Variants in MFSD6 observed in about 807,000 individuals in gnomAD.
MFSD6 encodes major facilitator superfamily domain containing 6.
A neutral mutation model predicts 56.3 loss-of-function variants in MFSD6; 26 were observed. That is an observed-to-expected ratio of 0.46 (90% CI 0.34 to 0.64). The LOEUF (loss-of-function observed/expected upper bound fraction) is 0.64, where lower values mean the gene tolerates loss of function less well. Ranked by LOEUF, MFSD6 falls within the 30% of genes least tolerant of loss-of-function variation. The pLI is 0.01. For missense variants in MFSD6, 750 were observed against 986.2 expected (o/e 0.76, Z 3.21); for synonymous variants, 331 against 366.9 (o/e 0.90, Z 1.12).
At chr2:190,477,629 C>G (rs1559134616) in intron 4 of MFSD6, among the ~76,000 whole-genome samples, 1 of 152,090 alleles carries the variant, frequency 6.6e-6, no homozygotes, top group Non-Finnish European at 1.5e-5. Context: ...TGACTAAGAG[C>G]CAGGCAGCAT....
rs931463138 is a variant in MFSD6 at position 190,431,640 on chromosome 2, G to C, written c.-53-4337G>C. Among the ~76,000 whole-genome samples, 6 of 152,238 alleles carry C rather than the reference G, an allele frequency of 3.9e-5. No homozygotes were observed. The highest frequency in any genetic ancestry group is 8.8e-5 in the Non-Finnish European group (6 of 68,038). Reference sequence around the variant, plus strand: ...GAATCAGGCAGGGAGGTTGCAGTGAGCCGAGATGGCAGCAGTACAGTCCAG... The same window carrying C: ...GAATCAGGCAGGGAGGTTGCAGTGACCCGAGATGGCAGCAGTACAGTCCAG... On this transcript the variant is annotated intron_variant, in intron 2 of 7. Coordinates refer to ENST00000392328, the MANE Select transcript of MFSD6 (RefSeq NM_017694.4). This position sits in a 1 kb window ranked among gnomAD's most constrained non-coding sequence, Gnocchi z 4.4.
Position 190,412,201 on chromosome 2 carries a change from A to C in MFSD6, c.-175-3091A>C, listed in dbSNP as rs542879328. 83 of 985,172 alleles carry C rather than the reference A, an allele frequency of 8.4e-5. No homozygotes were observed. In the African/African-American group the frequency reaches 1.4e-3, roughly 17 times the overall value. 61.0% of individuals were successfully genotyped at this position (985,172 alleles called of 1,614,324 possible). ...AATTAATACATTTCCAGACTTAGAA[A>C]TCCAGAGCCATAATACATTCAGACT... On this transcript the variant is annotated intron_variant, in intron 1 of 7. Coordinates refer to ENST00000392328, the MANE Select transcript of MFSD6 (RefSeq NM_017694.4). The surrounding 1 kb of genome is among the most constrained non-coding windows in gnomAD (Gnocchi z 4.1).
In MFSD6 at chr2:190,442,275, A is replaced by G. The variant is rs1686408771; in HGVS notation, c.1532+4714A>G. On this transcript the variant is annotated intron_variant, in intron 3 of 7. Transcript: ENST00000392328. Reference sequence around the variant, plus strand: ...CCTAGACATTTGTTCAATTTAGTTGAACAGTTATTTAGGCCCAAAGAGCCT... The same window carrying G: ...CCTAGACATTTGTTCAATTTAGTTGGACAGTTATTTAGGCCCAAAGAGCCT... Among the ~76,000 whole-genome samples the G allele has an allele frequency of 2.0e-5, 3 of 152,126 alleles. No individual in the cohort carries two copies. In the South Asian group the frequency reaches 6.2e-4, roughly 32 times the overall value.
In MFSD6 at chr2:190,487,593, A is replaced by G. The variant is rs1386932122; in HGVS notation, c.1631-1064A>G. Among the ~76,000 whole-genome samples, 1 of 152,226 alleles carries G rather than the reference A, an allele frequency of 6.6e-6. No homozygotes were observed. Among genetic ancestry groups the G allele is most frequent in the African/African-American group, 2.4e-5 (1 of 41,462 alleles). ...AACCCAATTAAAAAATGGGCAAAGGAATTGAATAAACATTTCTTCAAAGAA... is the reference window on the plus strand; with the variant it reads ...AACCCAATTAAAAAATGGGCAAAGGGATTGAATAAACATTTCTTCAAAGAA... On this transcript the variant is annotated intron_variant, in intron 4 of 7. Coordinates refer to ENST00000392328, the MANE Select transcript of MFSD6 (RefSeq NM_017694.4). The surrounding 1 kb of genome is among the most constrained non-coding windows in gnomAD (Gnocchi z 5.5).
In MFSD6 at chr2:190,443,366, G is replaced by A. The variant is rs1686454155; in HGVS notation, c.1532+5805G>A. Among the ~76,000 whole-genome samples, 1 of 152,122 alleles carries A rather than the reference G, an allele frequency of 6.6e-6. No individual in the cohort carries two copies. Among genetic ancestry groups the A allele is most frequent in the Non-Finnish European group, 1.5e-5 (1 of 68,030 alleles). On this transcript the variant is annotated intron_variant, in intron 3 of 7. Coordinates refer to ENST00000392328, the MANE Select transcript of MFSD6 (RefSeq NM_017694.4). The surrounding 1 kb of genome is among the most constrained non-coding windows in gnomAD (Gnocchi z 4.2). Reference sequence around the variant, plus strand: ...ATATTATTAGTACCTGCTTCTTAGGGTTTTTTATGAAGACTAGATGAGATA... The same window carrying A: ...ATATTATTAGTACCTGCTTCTTAGGATTTTTTATGAAGACTAGATGAGATA...
In MFSD6 at chr2:190,499,982, G is replaced by A. The variant is rs72907168; in HGVS notation, c.2173-33G>A. 0.29 allele frequency: 472,810 copies of A among 1,610,300 alleles called. 74,273 individuals are homozygous for A. Among genetic ancestry groups the A allele is most frequent in the South Asian group, 0.34 (31,149 of 90,904 alleles). ...AAAGTTGGATTTATTTGCTATCACT[G>A]ATCATGGGGCATCTCCTGTTTTTTA... On this transcript the variant is annotated intron_variant, in intron 7 of 7. Transcript: ENST00000392328. This position sits in a 1 kb window ranked among gnomAD's most constrained non-coding sequence, Gnocchi z 6.0.
In MFSD6 at chr2:190,499,808, G is replaced by T. The variant is rs1280881913; in HGVS notation, c.2173-207G>T. 2 of 1,527,958 alleles carry T rather than the reference G, an allele frequency of 1.3e-6. No homozygotes were observed. The highest frequency in any genetic ancestry group is 1.8e-6 in the Non-Finnish European group (2 of 1,132,730). 94.7% of individuals were successfully genotyped at this position (1,527,958 alleles called of 1,614,324 possible). A position where few individuals can be genotyped will look rare whatever the true frequency, so the allele number is the denominator to read the frequency against. ...CAAGACACGTCTGCTTATAGTGTTT[G>T]TGTTTTTCATGCGGCTCTGGCAGTT... On this transcript the variant is annotated intron_variant, in intron 7 of 7. Transcript: ENST00000392328. The surrounding 1 kb of genome is among the most constrained non-coding windows in gnomAD (Gnocchi z 6.0).
intron 2 of MFSD6, 42 bp from the exon 3 acceptor site, chr2:190,435,935 T>C (rs1011207572): frequency 6.9e-7 from 1 of 1,451,536 alleles, no homozygotes. Flanking sequence ...TTACATGTTA[T>C]GATTTTCATT....
rs1299666120 is a variant in MFSD6, at chr2:190,457,168, A to G, written c.1533-12590A>G. Among the ~76,000 whole-genome samples, 2 of 152,110 alleles carry G rather than the reference A, an allele frequency of 1.3e-5. No homozygotes were observed. Among genetic ancestry groups the G allele is most frequent in the African/African-American group, 4.8e-5 (2 of 41,432 alleles). On this transcript the variant is annotated intron_variant, in intron 3 of 7. Transcript: ENST00000392328. The surrounding 1 kb of genome is among the most constrained non-coding windows in gnomAD (Gnocchi z 5.1). ...GAGCTTGGAGTGTGGAAAATAGCACATTGCTATTACCTACTGAAAGAGCAT... is the reference window on the plus strand; with the variant it reads ...GAGCTTGGAGTGTGGAAAATAGCACGTTGCTATTACCTACTGAAAGAGCAT...
rs978794854 is a variant in MFSD6 at position 190,447,814 on chromosome 2, G to A, written c.1532+10253G>A. On this transcript the variant is annotated intron_variant, in intron 3 of 7. Transcript: ENST00000392328. The surrounding 1 kb of genome is among the most constrained non-coding windows in gnomAD (Gnocchi z 4.5). ...GAGTCTCAAAAATTGAAGAATTTATGATCAGGAATTGAAAGATAATCATTT... is the reference window on the plus strand; with the variant it reads ...GAGTCTCAAAAATTGAAGAATTTATAATCAGGAATTGAAAGATAATCATTT... Among the ~76,000 whole-genome samples, 6 of 152,128 alleles carry A rather than the reference G, an allele frequency of 3.9e-5. No homozygotes were observed. Among genetic ancestry groups the A allele is most frequent in the Non-Finnish European group, 7.4e-5 (5 of 68,026 alleles).
rs1575832046 is a variant in MFSD6, at chr2:190,431,085, G to C, written c.-53-4892G>C. ...CCAGACGGGGTCGCAGCCGGGCAGA[G>C]GCGCTCCTCACATCCCAGACAGGGC... On this transcript the variant is annotated intron_variant, in intron 2 of 7. Coordinates refer to ENST00000392328, the MANE Select transcript of MFSD6 (RefSeq NM_017694.4). The surrounding 1 kb of genome is among the most constrained non-coding windows in gnomAD (Gnocchi z 4.4). Among the ~76,000 whole-genome samples, 1 of 150,064 alleles carries C rather than the reference G, an allele frequency of 6.7e-6. No homozygotes were observed. The highest frequency in any genetic ancestry group is 6.6e-5 in the Admixed American group (1 of 15,092).
rs1686222517 is a variant in MFSD6, at chr2:190,437,594, C to T, written c.1532+33C>T. The stretch of plus-strand genomic sequence containing the variant: ...CATGCTTACGATTGCTGCCCCTCAG[C>T]AATTGAACTTTATCTTTTTATGGTT... On this transcript the variant is annotated intron_variant, in intron 3 of 7. Transcript: ENST00000392328. The surrounding 1 kb of genome is among the most constrained non-coding windows in gnomAD (Gnocchi z 5.9). The T allele has an allele frequency of 1.3e-6, 2 of 1,583,924 alleles. No homozygotes were observed. Among genetic ancestry groups the T allele is most frequent in the Admixed American group, 1.8e-5 (1 of 55,818 alleles).
intron 2 of MFSD6, among the ~76,000 whole-genome samples, chr2:190,421,789 G>A (rs1685626650): frequency 6.6e-6 from 1 of 151,992 alleles, no homozygotes; most frequent in African/African-American, 2.4e-5. Context: ...GACTTTAATT[G>A]ATCCTCTTGC....
intron 3 of MFSD6, among the ~76,000 whole-genome samples, chr2:190,445,171 A>C (rs1249968739): frequency 6.6e-6 from 1 of 152,118 alleles, no homozygotes; most frequent in Non-Finnish European, 1.5e-5. Flanking sequence ...TCATCTGTAA[A>C]TCTGGGGATA....
At chr2:190,452,029 C>A (rs746604558) in intron 3 of MFSD6, among the ~76,000 whole-genome samples, 4 of 151,360 alleles carry the variant, frequency 2.6e-5, no homozygotes, top group Non-Finnish European at 5.9e-5. Context: ...GATTCATGTA[C>A]TATCTTTGCT....
Position 190,436,751 on chromosome 2 carries a change from C to T in MFSD6, c.722C>T (p.Thr241Ile), listed in dbSNP as rs772762749. Residue 241 changes from threonine to isoleucine, a missense_variant, in exon 3 of 8, where the codon ACT becomes ATT. By Grantham distance (89) the Thr-to-Ile change is moderately conservative. Transcript: ENST00000392328. The surrounding 1 kb of genome is among the most constrained non-coding windows in gnomAD (Gnocchi z 5.3). ...GEITNRMMDL[T>I]LNSSTATPVS... is the part of the protein sequence containing the mutation. ...ATTACTAACCGTATGATGGACTTGA[C>T]TTTGAACTCAAGCACAGCAACCCCT... The T allele has an allele frequency of 3.1e-6, 5 of 1,614,212 alleles. No homozygotes were observed. Among genetic ancestry groups the T allele is most frequent in the Non-Finnish European group, 3.4e-6 (4 of 1,180,044 alleles).
Position 190,490,039 on chromosome 2 carries a change from C to T in MFSD6, c.1891+173C>T, listed in dbSNP as rs1191558805. ...GACTATTGTTAAAGAGATCCACCTA[C>T]TATGCAGAAAAAATATTGTTTTAAG... is the stretch of plus-strand genomic sequence containing the variant. On this transcript the variant is annotated intron_variant, in intron 6 of 7. Coordinates refer to ENST00000392328, the MANE Select transcript of MFSD6 (RefSeq NM_017694.4). This position sits in a 1 kb window ranked among gnomAD's most constrained non-coding sequence, Gnocchi z 4.5. 6.6e-6 allele frequency among the ~76,000 whole-genome samples: 1 copy of T among 152,054 alleles called. No homozygotes were observed. The highest frequency in any genetic ancestry group is 6.6e-5 in the Admixed American group (1 of 15,252).
In MFSD6 at chr2:190,461,481, T is replaced by C. The variant is rs1687326616; in HGVS notation, c.1533-8277T>C. The stretch of plus-strand genomic sequence containing the variant: ...CACTTCCTTTTTCTGACATAAATAT[T>C]ACAATACTATACTTAATATTCTGCA... On this transcript the variant is annotated intron_variant, in intron 3 of 7. Coordinates refer to ENST00000392328, the MANE Select transcript of MFSD6 (RefSeq NM_017694.4). This position sits in a 1 kb window ranked among gnomAD's most constrained non-coding sequence, Gnocchi z 5.5. 6.6e-6 allele frequency among the ~76,000 whole-genome samples: 1 copy of C among 152,214 alleles called. No homozygotes were observed. The highest frequency in any genetic ancestry group is 1.5e-5 in the Non-Finnish European group (1 of 68,040).
intron 4 of MFSD6, among the ~76,000 whole-genome samples, chr2:190,486,205 GA>G (rs1688999451): frequency 6.6e-6 from 1 of 152,164 alleles, no homozygotes; most frequent in Non-Finnish European, 1.5e-5. Context: ...CCAATCCTAG[GA>G]ATCATGAGTT....
Sources: gnomAD v4.1 joint callset for allele counts (sites outside exome capture counted in the v4.1 genomes callset) on GRCh38, gnomAD v4.1.1 for gene constraint, Gnocchi (gnomAD v3.1) non-coding constraint, MANE v1.5 for transcripts, NCBI Gene and HGNC (gene_info 2026-07-23, HGNC 2026-07-21) for gene names.